The following FER variants were observed in gnomAD, a reference collection of about 807,000 sequenced individuals.
The protein encoded by FER is FER tyrosine kinase.
FER carries 63 observed loss-of-function variants against 111.0 expected under a neutral mutation model. The ratio of observed to expected loss-of-function variants is 0.57; its 90% CI spans 0.46 to 0.70. FER has a LOEUF of 0.70. Ranked by LOEUF, FER falls within the 30% of genes least tolerant of loss-of-function variation. The pLI is 0.00. For synonymous variants in FER, 327 were observed against 313.9 expected (o/e 1.04, Z -0.44); for missense variants, 914 against 954.0 (o/e 0.96, Z 0.55).
rs1213948467 is a variant in FER, at chr5:108,843,636, TCTC to T, written c.481+7836_481+7838del. ...CCTCCACCTCCCAGGTTCAAGTAATTCTCCTCCTCAGCCTCCTGAGTAGCTGGG... is the reference window on the plus strand; with the variant it reads ...CCTCCACCTCCCAGGTTCAAGTAATTCTCCTCAGCCTCCTGAGTAGCTGGG... On this transcript the variant is annotated intron_variant, in intron 5 of 19. Coordinates refer to ENST00000281092, the MANE Select transcript of FER (RefSeq NM_005246.4). 1.1e-4 allele frequency among the ~76,000 whole-genome samples: 16 copies of T among 151,524 alleles called. No individual in the cohort carries two copies. In the East Asian group the frequency reaches 2.7e-3, roughly 26 times the overall value.
chr5:109,062,166 A>G (rs1308403156), intron 16 of FER, among the ~76,000 whole-genome samples: 1 of 152,210 alleles, frequency 6.6e-6, no homozygotes, highest in African/African-American at 2.4e-5. Context: ...TAGACAAGTT[A>G]TTACTTAGAA....
intron 13 of FER, among the ~76,000 whole-genome samples, chr5:109,011,458 T>A (rs1766258073): frequency 2.0e-5 from 3 of 152,212 alleles, no homozygotes; most frequent in African/African-American, 7.2e-5. Flanking sequence ...CTCGCTCAGT[T>A]ACCTTTCTAC....
intron 16 of FER, among the ~76,000 whole-genome samples, chr5:109,075,510 G>T (rs964278498): frequency 3.4e-5 from 5 of 145,548 alleles, no homozygotes; most frequent in Non-Finnish European, 7.4e-5. Context: ...TGCAAGCTCC[G>T]CCTCCCAGGT....
intron 3 of FER, among the ~76,000 whole-genome samples, chr5:108,799,538 C>T (rs951713750): frequency 1.3e-5 from 2 of 152,080 alleles, no homozygotes; most frequent in Non-Finnish European, 2.9e-5. Context: ...GGTAGAGCTG[C>T]CAGAGATGGC....
At chr5:108,922,996 T>G (rs907202799) in intron 10 of FER, among the ~76,000 whole-genome samples, 3 of 152,118 alleles carry the variant, frequency 2.0e-5, no homozygotes, top group Non-Finnish European at 1.5e-5. Context: ...CATCAGCTAT[T>G]TTTTGGCTAT....
At chr5:109,123,916 G>A (rs1751333772) in intron 17 of FER, among the ~76,000 whole-genome samples, 2 of 152,096 alleles carry the variant, frequency 1.3e-5, no homozygotes. Context: ...TTTACATTAT[G>A]TTTACATAGA....
chr5:108,793,524 G>C (rs541967051), intron 2 of FER, among the ~76,000 whole-genome samples: 3 of 137,324 alleles, frequency 2.2e-5, no homozygotes, highest in Non-Finnish European at 4.7e-5. Context: ...CGGGGCGGGG[G>C]GGGTGGTTAT....
At chr5:108,799,399 A>G (rs1345477830) in intron 3 of FER, among the ~76,000 whole-genome samples, 1 of 152,220 alleles carries the variant, frequency 6.6e-6, no homozygotes, top group Non-Finnish European at 1.5e-5. Context: ...TAAATTTTAG[A>G]GGAAAACTCT....
intron 10 of FER, among the ~76,000 whole-genome samples, chr5:108,940,639 T>C (rs1165052863): frequency 6.6e-6 from 1 of 152,054 alleles, no homozygotes; most frequent in East Asian, 1.9e-4. Flanking sequence ...TGTAGGCCGA[T>C]GTGAAAGATT....
chr5:109,146,253 A>ATATATATATATATATATATATATAT, intron 17 of FER, among the ~76,000 whole-genome samples: 1 of 42,130 alleles, frequency 2.4e-5, no homozygotes, highest in African/African-American at 9.1e-5. Context: ...TAATCTATCT[A>ATATATATATATATATATATATATAT]ATATATATAT....
At chr5:109,079,127 T>C (rs1776699887) in intron 16 of FER, among the ~76,000 whole-genome samples, 2 of 152,146 alleles carry the variant, frequency 1.3e-5, no homozygotes, top group Admixed American at 1.3e-4. Flanking sequence ...TTTCTAGTGG[T>C]AATGTTCCAA....
rs963690618 is a variant in FER at position 109,192,920 on chromosome 5, G to A, written c.*5345G>A. On this transcript the variant is annotated 3_prime_UTR_variant, in exon 20 of 20. Transcript: ENST00000281092. ...CCTAAAGCTTAGTCAGGGTGCCTAAGGTAAGACACAAAAAGAAAGAGACAT... is the reference window on the plus strand; with the variant it reads ...CCTAAAGCTTAGTCAGGGTGCCTAAAGTAAGACACAAAAAGAAAGAGACAT... The A allele has an allele frequency of 2.0e-5, 3 of 151,960 alleles. No individual in the cohort carries two copies. The highest frequency in any genetic ancestry group is 4.4e-5 in the Non-Finnish European group (3 of 67,964). The allele number at this position is 151,960 out of a possible 1,614,324, so 9.4% of individuals were successfully genotyped here.
At chr5:109,030,396 T>A (rs143857207) in intron 13 of FER, among the ~76,000 whole-genome samples, 128 of 152,342 alleles carry the variant, frequency 8.4e-4, no homozygotes, top group African/African-American at 2.9e-3. Flanking sequence ...CCTAGACATA[T>A]AATCTATTAT....
chr5:108,884,455 C>G (rs149392777), intron 9 of FER, among the ~76,000 whole-genome samples: 1 of 151,254 alleles, frequency 6.6e-6, no homozygotes, highest in East Asian at 1.9e-4. Flanking sequence ...TACTCAACAT[C>G]TTTCCTTACT....
chr5:109,106,215 CA>C (rs1281021202), intron 17 of FER, among the ~76,000 whole-genome samples: 1 of 152,170 alleles, frequency 6.6e-6, no homozygotes, highest in Non-Finnish European at 1.5e-5. Context: ...TGATCATGAG[CA>C]AAAACAGAAG....
Position 109,188,475 on chromosome 5 carries a change from G to T in FER, c.*900G>T, listed in dbSNP as rs1156280413. ...GTTGCTTTTCAAGGATGTACAGAGAGCTGTGAAGCAAGAAACAGATTTGAA... is the reference window on the plus strand; with the variant it reads ...GTTGCTTTTCAAGGATGTACAGAGATCTGTGAAGCAAGAAACAGATTTGAA... On this transcript the variant is annotated 3_prime_UTR_variant, in exon 20 of 20. Transcript: ENST00000281092. 1 of 151,640 alleles carries T rather than the reference G, an allele frequency of 6.6e-6. No individual in the cohort carries two copies. Among genetic ancestry groups the T allele is most frequent in the Non-Finnish European group, 1.5e-5 (1 of 67,888 alleles). 9.4% of individuals were successfully genotyped at this position (151,640 alleles called of 1,614,324 possible).
intron 13 of FER, among the ~76,000 whole-genome samples, chr5:109,010,661 C>T (rs181637138): frequency 2.0e-5 from 3 of 152,148 alleles, no homozygotes; most frequent in Admixed American, 1.3e-4. Flanking sequence ...TCTTGATCCC[C>T]GGTCCATGGC....
intron 13 of FER, among the ~76,000 whole-genome samples, chr5:109,031,742 A>G (rs552176155): frequency 1.3e-4 from 20 of 152,268 alleles, no homozygotes; most frequent in Admixed American, 2.6e-4. Context: ...TAGCATATCA[A>G]TCATATCCAT....
intron 2 of FER, among the ~76,000 whole-genome samples, chr5:108,781,476 G>A (rs1754070342): frequency 6.6e-6 from 1 of 152,210 alleles, no homozygotes; most frequent in Non-Finnish European, 1.5e-5. Context: ...ACAGGCGTGA[G>A]CCACCGTGCC....
Sources: allele counts gnomAD v4.1 joint callset (sites outside exome capture counted in the v4.1 genomes callset), GRCh38; gene constraint gnomAD v4.1.1; transcripts MANE v1.5; gene names NCBI Gene and HGNC (gene_info 2026-07-23, HGNC 2026-07-21).